CNBD1: variants seen among roughly 807,000 people sequenced by gnomAD.
CNBD1 encodes cyclic nucleotide binding domain containing 1.
CNBD1 carries 71 observed loss-of-function variants against 54.4 expected under a neutral mutation model. The ratio of observed to expected loss-of-function variants is 1.30; its 90% CI spans 1.08 to 1.59. The LOEUF (loss-of-function observed/expected upper bound fraction) is 1.59. Ranked by LOEUF, CNBD1 falls within the 40% of genes most tolerant of loss-of-function variation. The pLI, the probability that CNBD1 is intolerant of heterozygous loss-of-function variation, is 0.00. For synonymous variants in CNBD1, 182 were observed against 170.7 expected (o/e 1.07, Z -0.51); for missense variants, 659 against 518.0 (o/e 1.27, Z -2.64).
intron 2 of CNBD1, among the ~76,000 whole-genome samples, chr8:87,402,490 G>A (rs1334698015): frequency 6.6e-6 from 1 of 152,046 alleles, no homozygotes; most frequent in Non-Finnish European, 1.5e-5. Context: ...TTTGGGCTTG[G>A]TGTTTTTGAA....
At chr8:87,071,342 T>C (rs1810755588) in intron 4 of CNBD1, among the ~76,000 whole-genome samples, 2 of 152,112 alleles carry the variant, frequency 1.3e-5, no homozygotes, top group Non-Finnish European at 2.9e-5. Flanking sequence ...ACTTTGCTCA[T>C]TGCTGCAATT....
At chr8:87,079,658 G>C (rs2130663275) in intron 4 of CNBD1, among the ~76,000 whole-genome samples, 1 of 151,922 alleles carries the variant, frequency 6.6e-6, no homozygotes, top group African/African-American at 2.4e-5. Flanking sequence ...ACAAAACTTT[G>C]GCCCACTTTT....
intron 10 of CNBD1, among the ~76,000 whole-genome samples, chr8:87,376,350 A>G (rs1189343291): frequency 6.6e-6 from 1 of 151,848 alleles, no homozygotes; most frequent in East Asian, 2.0e-4. Flanking sequence ...GCAAGCTCTG[A>G]CAAGGGTACT....
intron 10 of CNBD1, among the ~76,000 whole-genome samples, chr8:87,362,646 C>T (rs76631041): frequency 0.019 from 2,844 of 152,076 alleles, 89 homozygotes; most frequent in African/African-American, 0.062. Context: ...TACTCCATGG[C>T]AAGTCATGGA....
chr8:86,975,216 C>T (rs935744118), intron 4 of CNBD1, among the ~76,000 whole-genome samples: 9 of 152,138 alleles, frequency 5.9e-5, no homozygotes, highest in East Asian at 3.9e-4. Context: ...ATATATCTGT[C>T]ATCTCACATA....
rs183541529 is a variant in CNBD1, at chr8:86,965,661, G to A, written c.431+25907G>A. ...CCCTCAAAATGTTACGGGATCTTTG[G>A]GGGGTGGATTTTCTGGCCGGAAACC... On this transcript the variant is annotated intron_variant, in intron 4 of 10. Transcript: ENST00000518476. Among the ~76,000 whole-genome samples the A allele has an allele frequency of 3.9e-3, 588 of 152,246 alleles. 4 individuals are homozygous for A. Among genetic ancestry groups the A allele is most frequent in the African/African-American group, 0.013 (547 of 41,544 alleles).
Position 87,365,860 on chromosome 8 carries a change from G to T in CNBD1, c.1303+12074G>T, listed in dbSNP as rs367831546. On this transcript the variant is annotated intron_variant, in intron 10 of 10. Transcript: ENST00000518476. ...CAACTCACAGGAAGCATTTACAAAGGAATTTTATAATGTCTCCCACATTCT... is the reference window on the plus strand; with the variant it reads ...CAACTCACAGGAAGCATTTACAAAGTAATTTTATAATGTCTCCCACATTCT... 1.2e-4 allele frequency among the ~76,000 whole-genome samples: 18 copies of T among 152,134 alleles called. No homozygotes were observed. In the East Asian group the frequency reaches 2.9e-3, roughly 25 times the overall value.
intron 4 of CNBD1, among the ~76,000 whole-genome samples, chr8:87,159,974 A>G (rs556412384): frequency 1.8e-4 from 28 of 152,156 alleles, no homozygotes; most frequent in African/African-American, 6.5e-4. Context: ...AATACAGACA[A>G]TGACAACAAG....
At chr8:87,209,542 C>T (rs75503203) in intron 5 of CNBD1, among the ~76,000 whole-genome samples, 3,572 of 152,108 alleles carry the variant, frequency 0.023, 123 homozygotes, top group African/African-American at 0.069. Flanking sequence ...AAATAGAAAG[C>T]TGTGCTTTCT....
At chr8:87,004,679 G>A (rs906585472) in intron 4 of CNBD1, among the ~76,000 whole-genome samples, 1 of 152,034 alleles carries the variant, frequency 6.6e-6, no homozygotes. Context: ...GGATAGATAC[G>A]CTATCTAGGA....
At chr8:87,398,114 A>C (rs374518685) in intron 2 of CNBD1, among the ~76,000 whole-genome samples, 1 of 151,526 alleles carries the variant, frequency 6.6e-6, no homozygotes, top group Non-Finnish European at 1.5e-5. Flanking sequence ...AGATATCAGC[A>C]TCTTTATAAT....
chr8:87,053,716 C>A (rs143124246), intron 4 of CNBD1, among the ~76,000 whole-genome samples: 1 of 152,166 alleles, frequency 6.6e-6, no homozygotes, highest in Non-Finnish European at 1.5e-5. Context: ...AACTCCCTTG[C>A]GTGACTGGTA....
intron 2 of CNBD1, among the ~76,000 whole-genome samples, chr8:86,888,986 G>T (rs541222986): frequency 1.3e-5 from 2 of 152,164 alleles, no homozygotes; most frequent in South Asian, 4.1e-4. Flanking sequence ...TTCCTCTTGG[G>T]TGGTGTCGTC....
chr8:87,029,091 T>G (rs1809722590), intron 4 of CNBD1, among the ~76,000 whole-genome samples: 1 of 152,186 alleles, frequency 6.6e-6, no homozygotes, highest in Admixed American at 6.5e-5. Flanking sequence ...AGCAAAACAT[T>G]TAGTCTTCAA....
chr8:87,255,460 C>T (rs967707013), intron 6 of CNBD1, among the ~76,000 whole-genome samples: 33 of 151,872 alleles, frequency 2.2e-4, no homozygotes, highest in Middle Eastern at 3.4e-3. Context: ...GAAAAGAGAT[C>T]AGAGAAATAA....
At chr8:87,216,586 T>C (rs1420572974) in intron 5 of CNBD1, among the ~76,000 whole-genome samples, 2 of 152,162 alleles carry the variant, frequency 1.3e-5, no homozygotes, top group Non-Finnish European at 2.9e-5. Context: ...CTACCATTAA[T>C]CCTTTGATAG....
intron 2 of CNBD1, among the ~76,000 whole-genome samples, chr8:87,420,740 T>C (rs754073729): frequency 1.3e-5 from 2 of 152,096 alleles, no homozygotes; most frequent in East Asian, 3.9e-4. Flanking sequence ...TACATGTTAC[T>C]TTCCCTGCTA....
chr8:87,372,851 A>G (rs1810844033), intron 10 of CNBD1, among the ~76,000 whole-genome samples: 1 of 151,914 alleles, frequency 6.6e-6, no homozygotes, highest in East Asian at 1.9e-4. Flanking sequence ...GGTATAAGCC[A>G]TGGTATTTTC....
At chr8:87,026,291 C>T (rs919364322) in intron 4 of CNBD1, among the ~76,000 whole-genome samples, 1 of 150,748 alleles carries the variant, frequency 6.6e-6, no homozygotes, top group Non-Finnish European at 1.5e-5. Context: ...CTTTTCTCTC[C>T]GTTTCTCCCC....
Sources: allele counts gnomAD v4.1 joint callset (sites outside exome capture counted in the v4.1 genomes callset), GRCh38; gene constraint gnomAD v4.1.1; transcripts MANE v1.5; gene names NCBI Gene and HGNC (gene_info 2026-07-23, HGNC 2026-07-21).